The following VWA2 variants were observed in gnomAD, a reference collection of about 807,000 sequenced individuals.
The protein encoded by VWA2 is von Willebrand factor A domain containing 2.
Under a neutral mutation model 70.4 loss-of-function variants are expected in VWA2, and 73 were observed. The observed-to-expected ratio is 1.04, with a 90% CI of 0.86 to 1.26. VWA2 has a LOEUF of 1.26. Ranked by LOEUF, VWA2 falls within the 50% of genes most tolerant of loss-of-function variation. The pLI is 0.00. For synonymous variants in VWA2, 407 were observed against 423.3 expected (o/e 0.96, Z 0.47); for missense variants, 1,011 against 998.5 (o/e 1.01, Z -0.17).
At chr10:114,270,728 C>G (rs2037689011) in intron 5 of VWA2, among the ~76,000 whole-genome samples, 1 of 152,194 alleles carries the variant, frequency 6.6e-6, no homozygotes, top group Admixed American at 6.5e-5. Context: ...TCTTCGGTAT[C>G]TAATGTGTGA....
intron 1 of VWA2, among the ~76,000 whole-genome samples, chr10:114,244,285 T>C (rs2037024781): frequency 6.6e-6 from 1 of 152,228 alleles, no homozygotes; most frequent in Non-Finnish European, 1.5e-5. Flanking sequence ...ATAGCCTGTT[T>C]TCTGGAGCCT....
intron 1 of VWA2, among the ~76,000 whole-genome samples, chr10:114,248,389 AC>A (rs2037119862): frequency 6.6e-6 from 1 of 152,124 alleles, no homozygotes; most frequent in African/African-American, 2.4e-5. Context: ...CAGAGCCAAC[AC>A]CCGGGCCTCT....
intron 2 of VWA2, 22 bp from the exon 3 acceptor site, chr10:114,253,629 C>T (rs770344536): frequency 1.2e-6 from 2 of 1,607,616 alleles, no homozygotes; most frequent in African/African-American, 1.3e-5. Flanking sequence ...TTAATGGCTG[C>T]TTCTGGTGTT....
At chr10:114,285,270 T>C (rs2038723348) in intron 10 of VWA2, among the ~76,000 whole-genome samples, 1 of 152,222 alleles carries the variant, frequency 6.6e-6, no homozygotes, top group Admixed American at 6.5e-5. Flanking sequence ...CACCCAACTC[T>C]GGCTCCCAGT....
chr10:114,280,746 T>C (rs1652254557), intron 8 of VWA2: 1 of 152,102 alleles, frequency 6.6e-6, no homozygotes, highest in African/African-American at 2.4e-5. Context: ...TTGTTTTTAT[T>C]ATTATTTTTT....
intron 11 of VWA2, 102 bp from the exon 12 acceptor site, chr10:114,288,836 C>T (rs1210357701): frequency 1.6e-6 from 2 of 1,254,236 alleles, no homozygotes; most frequent in Non-Finnish European, 2.2e-6. Context: ...AACAGAGCAC[C>T]CTGGCTGACC....
intron 6 of VWA2, among the ~76,000 whole-genome samples, chr10:114,273,223 G>T (rs1029241471): frequency 7.2e-5 from 11 of 152,204 alleles, no homozygotes; most frequent in African/African-American, 2.6e-4. Context: ...TCATTCACTG[G>T]GTGGGATGGG....
At chr10:114,280,676 C>A (rs1207669549) in intron 8 of VWA2, 3 of 152,188 alleles carry the variant, frequency 2.0e-5, no homozygotes, top group African/African-American at 7.2e-5. Flanking sequence ...TATGAGGTCA[C>A]TAGGATAGAC....
intron 11 of VWA2, 36 bp from the exon 12 acceptor site, chr10:114,288,902 C>A: frequency 6.4e-7 from 1 of 1,569,296 alleles, no homozygotes. Context: ...CTGACTGGCA[C>A]ATCCACTGCT....
At chr10:114,262,629 T>C (rs2037469522) in intron 5 of VWA2, among the ~76,000 whole-genome samples, 1 of 152,138 alleles carries the variant, frequency 6.6e-6, no homozygotes, top group Non-Finnish European at 1.5e-5. Context: ...GGTCTACCAG[T>C]GCTCTCAAGA....
chr10:114,261,051 T>A, intron 4 of VWA2, 135 bp from the exon 5 acceptor site: 4 of 623,678 alleles, frequency 6.4e-6, no homozygotes, highest in Non-Finnish European at 1.1e-5. Flanking sequence ...CTAGGGAGAC[T>A]GGAGAAAGCT....
intron 12 of VWA2, 91 bp from the exon 13 acceptor site, chr10:114,290,149 C>T (rs2039424090): frequency 6.7e-7 from 1 of 1,497,118 alleles, no homozygotes; most frequent in Non-Finnish European, 9.0e-7. Flanking sequence ...CTCTAGTAGC[C>T]TTGCACCTCT....
intron 3 of VWA2, among the ~76,000 whole-genome samples, 199 bp from the exon 4 acceptor site, chr10:114,254,716 G>T (rs1458549865): frequency 1.3e-5 from 2 of 152,144 alleles, no homozygotes; most frequent in Admixed American, 6.5e-5. Flanking sequence ...AGGCTTTCAC[G>T]TAAGGGCACA....
At chr10:114,241,043 T>G (rs553158422) in intron 1 of VWA2, among the ~76,000 whole-genome samples, 1 of 152,270 alleles carries the variant, frequency 6.6e-6, no homozygotes, top group Non-Finnish European at 1.5e-5. Context: ...AAGCCCATGT[T>G]TTTACAGATG....
At chr10:114,284,317 A>G (rs779482374) in intron 9 of VWA2, among the ~76,000 whole-genome samples, 1 of 152,162 alleles carries the variant, frequency 6.6e-6, no homozygotes, top group African/African-American at 2.4e-5. Flanking sequence ...TAATCCTCAC[A>G]ATAACCCCAC....
chr10:114,282,305 AT>A (rs908704162), intron 8 of VWA2, among the ~76,000 whole-genome samples: 2 of 151,768 alleles, frequency 1.3e-5, no homozygotes, highest in Non-Finnish European at 2.9e-5. Context: ...CTCCCAGCCT[AT>A]TTTTTTTAAT....
intron 5 of VWA2, among the ~76,000 whole-genome samples, chr10:114,264,786 C>T (rs1395595380): frequency 6.6e-6 from 1 of 152,002 alleles, no homozygotes; most frequent in Non-Finnish European, 1.5e-5. Flanking sequence ...ATGGCACGAT[C>T]TTGGCTCACT....
chr10:114,282,719 G>T, intron 9 of VWA2, 148 bp downstream of exon 9: 1 of 675,024 alleles, frequency 1.5e-6, no homozygotes, highest in Non-Finnish European at 2.7e-6. Context: ...GCAGAGGAGA[G>T]TGTGCTCTTG....
At position 114,272,729 on chromosome 10, in the gene VWA2, G is replaced by A; in HGVS notation, c.372-11G>A. ...CACTTTTCTTTCTTTTTTCCTTCTG[G>A]GTGTGCACAGAGGAGGGCGCACGGA... On this transcript the variant is annotated splice_polypyrimidine_tract_variant and intron_variant, in intron 5 of 13. Coordinates refer to ENST00000392982, the MANE Select transcript of VWA2 (RefSeq NM_001272046.2). 6.4e-7 allele frequency: 1 copy of A among 1,572,990 alleles called. No individual in the cohort carries two copies. Among genetic ancestry groups the A allele is most frequent in the Non-Finnish European group, 8.6e-7 (1 of 1,156,230 alleles).
Sources: gnomAD v4.1 joint callset for allele counts (sites outside exome capture counted in the v4.1 genomes callset) on GRCh38, gnomAD v4.1.1 for gene constraint, MANE v1.5 for transcripts, NCBI Gene and HGNC (gene_info 2026-07-23, HGNC 2026-07-21) for gene names.